Variants in NPHP4 observed in about 807,000 individuals in gnomAD.
NPHP4 encodes the protein nephrocystin-4.
NPHP4 carries 151 observed loss-of-function variants against 155.8 expected under a neutral mutation model. The observed-to-expected ratio is 0.97, with a 90% CI of 0.85 to 1.11. NPHP4 has a LOEUF of 1.11. NPHP4 is among the 50% of genes least tolerant of loss of function. The pLI is 0.00. For synonymous variants in NPHP4, 845 were observed against 816.8 expected (o/e 1.03, Z -0.59); for missense variants, 1,956 against 1,925.7 (o/e 1.02, Z -0.29).
chr1:5,948,046 C>A, intron 8 of NPHP4, 24 bp downstream of exon 8: 1 of 1,592,824 alleles, frequency 6.3e-7, no homozygotes, highest in East Asian at 2.2e-5. Flanking sequence ...CCCCACCCAT[C>A]CCTGGGGACC....
chr1:5,933,223 A>G lies in NPHP4; in HGVS notation c.1226T>C (p.Leu409Pro), dbSNP rs1382775969. 3.1e-6 allele frequency: 5 copies of G among 1,613,526 alleles called. No homozygotes were observed. Among genetic ancestry groups the G allele is most frequent in the Non-Finnish European group, 4.2e-6 (5 of 1,179,440 alleles). ...GGGGTTGGGCTGGATCCCACCCTGC[A>G]GAGGCAGGGTCACCCTTCCAGAATC... ...EADSGRVTLP[L>P]QGGIQPNPSH... The change falls in exon 10 of 30, where the codon CTG becomes CCG. Residue 409 changes from leucine (L) to proline (P), a missense_variant. By Grantham distance (98) the Leu-to-Pro change is moderately conservative. Transcript: ENST00000378156.
intron 2 of NPHP4, among the ~76,000 whole-genome samples, chr1:5,982,979 C>T (rs1214528226): frequency 6.6e-6 from 1 of 152,080 alleles, no homozygotes; most frequent in African/African-American, 2.4e-5. Flanking sequence ...TTGGGAAGAA[C>T]GTGTTCTCTA....
rs914147483 is a variant in NPHP4 at position 5,931,963 on chromosome 1, A to G, written c.1302+1184T>C. ...GTGGCACATGCCTGTAGTCCTAGCT[A>G]CTCAGGACACTGAGGTGTGAGGATT... On this transcript the variant is annotated intron_variant, in intron 10 of 29. Coordinates refer to ENST00000378156, the MANE Select transcript of NPHP4 (RefSeq NM_015102.5). 8.6e-5 allele frequency among the ~76,000 whole-genome samples: 13 copies of G among 151,906 alleles called. 1 individual carries two copies. Among genetic ancestry groups the G allele is most frequent in the Admixed American group, 7.9e-4 (12 of 15,258 alleles).
rs1016860847 is a variant in NPHP4 at position 5,862,980 on chromosome 1, C to T, written c.*285G>A. ...AATACATTTTGAGCAACAGCGATAACGAGGGTCCCACATGCGTAGATGGCA... is the reference window on the plus strand; with the variant it reads ...AATACATTTTGAGCAACAGCGATAATGAGGGTCCCACATGCGTAGATGGCA... On this transcript the variant is annotated 3_prime_UTR_variant, in exon 30 of 30. Transcript: ENST00000378156. 6.5e-6 allele frequency: 3 copies of T among 463,294 alleles called. No homozygotes were observed. The highest frequency in any genetic ancestry group is 3.4e-5 in the East Asian group (1 of 29,196). 28.7% of individuals were successfully genotyped at this position (463,294 alleles called of 1,614,324 possible).
intron 19 of NPHP4, among the ~76,000 whole-genome samples, chr1:5,879,784 C>G (rs1181325503): frequency 7.3e-6 from 1 of 136,510 alleles, no homozygotes; most frequent in Non-Finnish European, 1.5e-5. Context: ...TGCGCACACA[C>G]ACACACACAC....
At chr1:5,911,224 C>T (rs180700042) in intron 11 of NPHP4, among the ~76,000 whole-genome samples, 199 of 152,128 alleles carry the variant, frequency 1.3e-3, no homozygotes, top group African/African-American at 4.5e-3. Flanking sequence ...TCCCTGAGTG[C>T]CTCTTACAGT....
chr1:5,940,429 A>C (rs1646762586), intron 9 of NPHP4, among the ~76,000 whole-genome samples: 1 of 152,212 alleles, frequency 6.6e-6, no homozygotes, highest in Admixed American at 6.5e-5. Context: ...TGTGGTATTC[A>C]GTTACAGCAG....
rs1476774217 is a variant in NPHP4 at position 5,964,935 on chromosome 1, A to ATTTT, written c.517+2363_517+2364insAAAA. On this transcript the variant is annotated intron_variant, in intron 5 of 29. Transcript: ENST00000378156. ...ATATATATTATATATATATATATATATATATATTTTTTTTTTTTGAGGCAG... is the reference window on the plus strand; with the variant it reads ...ATATATATTATATATATATATATATATTTTTATATATTTTTTTTTTTTGAGGCAG... 1.1e-3 allele frequency among the ~76,000 whole-genome samples: 36 copies of ATTTT among 31,954 alleles called. 1 individual carries two copies. Among genetic ancestry groups the ATTTT allele is most frequent in the African/African-American group, 6.5e-3 (33 of 5,110 alleles). The allele number at this position is 31,954 out of a possible 152,430, so 21.0% of individuals were successfully genotyped here.
At position 5,905,479 on chromosome 1, in the gene NPHP4, C is replaced by T; in HGVS notation, c.1768G>A (p.Ala590Thr). ...IVVGTQTRSS[A>T]GQPSRASMVL... is the part of the protein sequence containing the mutation. Reference sequence around the variant, plus strand: ...ATGGAGGCTCTCGAGGGCTGCCCTGCAGAGCTGAGACACAGAGACTCCTCA... The same window carrying T: ...ATGGAGGCTCTCGAGGGCTGCCCTGTAGAGCTGAGACACAGAGACTCCTCA... The change falls in exon 15 of 30, where the codon GCA becomes ACA. Residue 590 changes from alanine to threonine, a missense_variant. Transcript: ENST00000378156. The surrounding 1 kb of genome is among the most constrained non-coding windows in gnomAD (Gnocchi z 4.0). The T allele has an allele frequency of 1.2e-6, 2 of 1,602,804 alleles. No individual in the cohort carries two copies. Among genetic ancestry groups the T allele is most frequent in the South Asian group, 1.1e-5 (1 of 90,634 alleles).
At chr1:5,964,118 T>A (rs947864872) in intron 5 of NPHP4, among the ~76,000 whole-genome samples, 2 of 152,222 alleles carry the variant, frequency 1.3e-5, no homozygotes, top group African/African-American at 4.8e-5. Context: ...ATAGGAAACA[T>A]TCTTCTAGAC....
intron 11 of NPHP4, among the ~76,000 whole-genome samples, chr1:5,925,043 G>A (rs577631522): frequency 3.9e-5 from 6 of 152,300 alleles, no homozygotes; most frequent in African/African-American, 1.2e-4. Context: ...TTCATTCTCT[G>A]TTCAGGCATT....
At chr1:5,872,516 G>A (rs1287879977) in intron 23 of NPHP4, among the ~76,000 whole-genome samples, 1 of 152,182 alleles carries the variant, frequency 6.6e-6, no homozygotes, top group Admixed American at 6.5e-5. Context: ...GCAAAGCTGT[G>A]GCTGCACACT....
rs368436034 is a variant in NPHP4 at position 5,907,190 on chromosome 1, C to T, written c.1536G>A (p.Arg512=). The change falls in exon 13 of 30, where the codon CGG becomes CGA. Residue 512 remains arginine (R), a synonymous_variant. Transcript: ENST00000378156. ...TGGCCAAGCAGTGCTGAGTCGGGGACCGCGGGGAGGCCGCCAGCTGGGAAA... is the reference window on the plus strand; with the variant it reads ...TGGCCAAGCAGTGCTGAGTCGGGGATCGCGGGGAGGCCGCCAGCTGGGAAA... ...LSISQLAASP[R]SPTQHCLARP... 1.9e-6 allele frequency: 3 copies of T among 1,588,024 alleles called. No homozygotes were observed. The highest frequency in any genetic ancestry group is 2.6e-6 in the Non-Finnish European group (3 of 1,166,662).
At chr1:5,864,158 C>A in intron 28 of NPHP4, 125 bp from the exon 29 acceptor site, 1 of 1,209,944 alleles carries the variant, frequency 8.3e-7, no homozygotes, top group Non-Finnish European at 1.2e-6. Context: ...ATAAGACAGA[C>A]GCTCTCTGGA....
At chr1:5,952,241 G>A (rs1355019627) in intron 7 of NPHP4, among the ~76,000 whole-genome samples, 1 of 152,198 alleles carries the variant, frequency 6.6e-6, no homozygotes, top group Admixed American at 6.5e-5. Flanking sequence ...CTCCGGAAAC[G>A]AGCCCCATGT....
intron 19 of NPHP4, among the ~76,000 whole-genome samples, chr1:5,878,502 T>C (rs1010665607): frequency 1.3e-5 from 2 of 152,218 alleles, no homozygotes; most frequent in African/African-American, 4.8e-5. Context: ...GTGGTCCCAA[T>C]GAAACCAGAA....
At chr1:5,888,551 T>C in intron 17 of NPHP4, 5 of 1,350,652 alleles carry the variant, frequency 3.7e-6, no homozygotes, top group Non-Finnish European at 4.9e-6. Flanking sequence ...GATCACTGCA[T>C]AGACATCGAT....
At chr1:5,953,471 G>T (rs1042320124) in intron 6 of NPHP4, among the ~76,000 whole-genome samples, 1 of 152,178 alleles carries the variant, frequency 6.6e-6, no homozygotes, top group African/African-American at 2.4e-5. Flanking sequence ...GACACGTGCG[G>T]CCCTGCAGCC....
At chr1:5,976,548 G>A (rs907395021) in intron 3 of NPHP4, among the ~76,000 whole-genome samples, 4 of 152,236 alleles carry the variant, frequency 2.6e-5, no homozygotes, top group Admixed American at 6.5e-5. Flanking sequence ...CCCTGCCCGC[G>A]CTGAAACAGC....
Sources: gnomAD v4.1 joint callset for allele counts (sites outside exome capture counted in the v4.1 genomes callset) on GRCh38, gnomAD v4.1.1 for gene constraint, Gnocchi (gnomAD v3.1) non-coding constraint, MANE v1.5 for transcripts, NCBI Gene and HGNC (gene_info 2026-07-23, HGNC 2026-07-21) for gene names.